Variants in TLK2 observed in about 807,000 individuals in gnomAD.
TLK2 encodes tousled like kinase 2, also known as serine/threonine-protein kinase tousled-like 2.
In TLK2, 6 loss-of-function variants were observed where a neutral mutation model predicts 117.3. The ratio of observed to expected loss-of-function variants is 0.05; its 90% CI spans 0.03 to 0.10. The LOEUF is 0.10. Ranked by LOEUF, TLK2 falls within the 10% of genes least tolerant of loss-of-function variation. The pLI is 1.00. For missense variants in TLK2, 299 were observed against 901.2 expected (o/e 0.33, Z 8.56); for synonymous variants, 257 against 316.7 (o/e 0.81, Z 2.00).
chr17:62,547,224 A>G (rs1011940496), intron 7 of TLK2, among the ~76,000 whole-genome samples: 3 of 151,896 alleles, frequency 2.0e-5, no homozygotes, highest in Non-Finnish European at 4.4e-5. Context: ...AACTCTTATG[A>G]TTAGGTATTG....
chr17:62,528,030 C>T (rs759944463), intron 6 of TLK2, among the ~76,000 whole-genome samples: 3 of 152,116 alleles, frequency 2.0e-5, no homozygotes, highest in Admixed American at 6.5e-5. Context: ...CATGAGTCAC[C>T]GTGCCCAGCC....
intron 21 of TLK2, 78 bp downstream of exon 21, chr17:62,608,226 G>A: frequency 9.4e-7 from 1 of 1,060,246 alleles, no homozygotes; most frequent in Non-Finnish European, 1.4e-6. Context: ...AATAGTGGAT[G>A]GATTCTTCAG....
chr17:62,478,507 CGCCCCGGGCCGCCGG>C (rs2071181769), upstream of TLK2, among the ~76,000 whole-genome samples: 1 of 149,678 alleles, frequency 6.7e-6, no homozygotes, highest in Admixed American at 6.6e-5. Context: ...AGTCGCAGGG[CGCCCCGGGCCGCCGG>C]ACCTCCCCTC....
At chr17:62,485,456 C>G (rs2072230470) in intron 2 of TLK2, among the ~76,000 whole-genome samples, 1 of 152,186 alleles carries the variant, frequency 6.6e-6, no homozygotes, top group Non-Finnish European at 1.5e-5. Flanking sequence ...ATTTAAGTTG[C>G]TCATTACCTA....
At chr17:62,564,739 C>G (rs2079608714) in intron 10 of TLK2, among the ~76,000 whole-genome samples, 1 of 151,262 alleles carries the variant, frequency 6.6e-6, no homozygotes, top group African/African-American at 2.4e-5. Context: ...ACCAACCAAA[C>G]AAACAAAAAA....
At position 62,602,045 on chromosome 17, in the gene TLK2, A is replaced by G; in HGVS notation, c.1724A>G (p.Asn575Ser). Residue 575 changes from asparagine to serine, a missense_variant, in exon 19 of 22, where the codon AAT (asparagine) becomes AGT (serine). By Grantham distance (46) the Asn-to-Ser change is conservative (BLOSUM62 1). This residue lies in a region of TLK2 where 81 missense variants were observed against 370.9 expected (regional missense o/e 0.22). Coordinates refer to ENST00000346027, the MANE Select transcript of TLK2 (RefSeq NM_006852.6). ...PIIHYDLKPG[N>S]ILLVNGTACG... Reference sequence around the variant, plus strand: ...CATGAAGGTTTTTATTTTTTAGGTAATATTCTTTTAGTAAATGGTACAGCG... The same window carrying G: ...CATGAAGGTTTTTATTTTTTAGGTAGTATTCTTTTAGTAAATGGTACAGCG... 1 of 1,609,102 alleles carries G rather than the reference A, an allele frequency of 6.2e-7. No homozygotes were observed. Among genetic ancestry groups the G allele is most frequent in the Non-Finnish European group, 8.5e-7 (1 of 1,178,792 alleles).
intron 19 of TLK2, among the ~76,000 whole-genome samples, chr17:62,603,138 A>G (rs2082997475): frequency 6.6e-6 from 1 of 152,192 alleles, no homozygotes; most frequent in African/African-American, 2.4e-5. Context: ...GAAAGGTCCT[A>G]GGCCTTAGCA....
At chr17:62,538,160 C>T (rs1282765371) in intron 7 of TLK2, among the ~76,000 whole-genome samples, 1 of 151,242 alleles carries the variant, frequency 6.6e-6, no homozygotes, top group Non-Finnish European at 1.5e-5. Flanking sequence ...CTCAGCCTCC[C>T]GAGTAGCTGG....
chr17:62,501,567 A>G, intron 2 of TLK2, among the ~76,000 whole-genome samples: 1 of 151,986 alleles, frequency 6.6e-6, no homozygotes. Context: ...ATACAAAAAT[A>G]CTAAAATACA....
At chr17:62,539,162 C>A (rs1243806283) in intron 7 of TLK2, among the ~76,000 whole-genome samples, 1 of 152,074 alleles carries the variant, frequency 6.6e-6, no homozygotes, top group African/African-American at 2.4e-5. Context: ...GTTTACATAT[C>A]CTTGGGTCCA....
chr17:62,590,136 C>A (rs2081965834), intron 16 of TLK2, among the ~76,000 whole-genome samples: 1 of 145,518 alleles, frequency 6.9e-6, no homozygotes, highest in African/African-American at 2.5e-5. Flanking sequence ...ACAAAAAAAA[C>A]AAACAGCAGC....
chr17:62,562,609 A>C (rs2079382859), intron 10 of TLK2, among the ~76,000 whole-genome samples: 2 of 152,204 alleles, frequency 1.3e-5, no homozygotes, highest in African/African-American at 4.8e-5. Context: ...AGCGTGAGAT[A>C]GTACTACAAA....
chr17:62,612,516 C>A lies in TLK2; in HGVS notation c.2204C>A (p.Ala735Asp), dbSNP rs1447454360. The A allele has an allele frequency of 6.2e-7, 1 of 1,614,064 alleles. No individual in the cohort carries two copies. The highest frequency in any genetic ancestry group is 8.5e-7 in the Non-Finnish European group (1 of 1,180,030). Residue 735 changes from alanine to aspartate, a missense_variant, in exon 22 of 22, where the codon GCT becomes GAT. By Grantham distance (126) the Ala-to-Asp change is moderately radical. Around this residue, in one of 4 missense-constraint regions of TLK2, gnomAD observed 19 missense variants for 29.2 expected, o/e 0.65. Coordinates refer to ENST00000346027, the MANE Select transcript of TLK2 (RefSeq NM_006852.6). ...KSVSTSSPAG[A>D]AIASTSGASN... ...GTCTCTACAAGTAGCCCTGCTGGAG[C>A]TGCTATTGCATCAACCTCTGGGGCG...
At chr17:62,576,660 A>T in intron 12 of TLK2, 49 bp from the exon 13 acceptor site, 1 of 1,428,442 alleles carries the variant, frequency 7.0e-7, no homozygotes, top group Non-Finnish European at 9.9e-7. Context: ...TTAAACAGGC[A>T]AACTATGATT....
intron 12 of TLK2, 116 bp from the exon 13 acceptor site, chr17:62,576,593 T>G: frequency 1.3e-6 from 1 of 783,350 alleles, no homozygotes; most frequent in Non-Finnish European, 2.2e-6. Flanking sequence ...CATCTTTCAG[T>G]CATTTTAACT....
chr17:62,560,746 C>A (rs2079199391), intron 10 of TLK2, among the ~76,000 whole-genome samples: 1 of 151,640 alleles, frequency 6.6e-6, no homozygotes, highest in African/African-American at 2.4e-5. Context: ...CTTCGCCTCC[C>A]AGATTCAAGC....
chr17:62,489,679 A>G (rs1354563517), intron 2 of TLK2, among the ~76,000 whole-genome samples: 4 of 152,236 alleles, frequency 2.6e-5, no homozygotes, highest in South Asian at 4.1e-4. Flanking sequence ...TTTATAGAAA[A>G]TTGAGCTGCT....
At chr17:62,545,189 A>G (rs978807078) in intron 7 of TLK2, among the ~76,000 whole-genome samples, 4 of 152,006 alleles carry the variant, frequency 2.6e-5, no homozygotes, top group Non-Finnish European at 4.4e-5. Context: ...ACTATGCCCA[A>G]CTAATTTTTT....
At chr17:62,515,510 G>A (rs1294176932) in intron 2 of TLK2, among the ~76,000 whole-genome samples, 1 of 152,084 alleles carries the variant, frequency 6.6e-6, no homozygotes, top group African/African-American at 2.4e-5. Context: ...TTGGTTTTTT[G>A]TTTTCTTGGT....
Sources: allele counts gnomAD v4.1 joint callset (sites outside exome capture counted in the v4.1 genomes callset), GRCh38; gene constraint gnomAD v4.1.1; regional missense constraint gnomAD v4.1.1; transcripts MANE v1.5; gene names NCBI Gene and HGNC (gene_info 2026-07-23, HGNC 2026-07-21).